The following DLC1 variants were observed in gnomAD, a reference collection of about 807,000 sequenced individuals.
DLC1 encodes rho GTPase-activating protein 7.
DLC1 carries 54 observed loss-of-function variants against 140.3 expected under a neutral mutation model. The ratio of observed to expected loss-of-function variants is 0.38; its 90% CI spans 0.31 to 0.48. The LOEUF is 0.48. Among genes scored for constraint, DLC1 ranks in the 20% least tolerant of loss-of-function variants. DLC1 has a pLI of 0.96. For missense variants in DLC1, 2,536 were observed against 1,907.0 expected, an observed-to-expected ratio of 1.33 and a Z score of -6.14; for synonymous variants, 986 against 728.1, an observed-to-expected ratio of 1.35 and a Z score of -5.70.
chr8:13,162,899 C>G (rs1453362715), intron 5 of DLC1, among the ~76,000 whole-genome samples: 1 of 152,188 alleles, frequency 6.6e-6, no homozygotes, highest in Non-Finnish European at 1.5e-5. Flanking sequence ...ACATTCCAGT[C>G]TGAAGACCCT....
chr8:13,590,816 G>C (rs1229573390), intron 1 of DLC1, among the ~76,000 whole-genome samples: 2 of 152,088 alleles, frequency 1.3e-5, no homozygotes, highest in Non-Finnish European at 1.5e-5. Flanking sequence ...TATTTAGTTT[G>C]TTTTCTATCA....
At chr8:13,313,451 C>T (rs954839953) in intron 4 of DLC1, among the ~76,000 whole-genome samples, 1 of 152,124 alleles carries the variant, frequency 6.6e-6, no homozygotes, top group African/African-American at 2.4e-5. Context: ...TGATTTTTGG[C>T]ACTTTTCTAG....
At chr8:13,141,039 G>A (rs1009861280) in intron 5 of DLC1, among the ~76,000 whole-genome samples, 1 of 145,574 alleles carries the variant, frequency 6.9e-6, no homozygotes, top group Non-Finnish European at 1.5e-5. Context: ...TGGATCACGT[G>A]GGGTCGGGAG....
chr8:13,403,980 C>A (rs1172935706), intron 2 of DLC1, among the ~76,000 whole-genome samples: 18 of 151,940 alleles, frequency 1.2e-4, no homozygotes, highest in Admixed American at 1.1e-3. Context: ...TGAAATCTTA[C>A]AATACTTTCC....
intron 5 of DLC1, among the ~76,000 whole-genome samples, chr8:13,225,058 C>A (rs1423312772): frequency 1.3e-5 from 2 of 152,094 alleles, no homozygotes; most frequent in Non-Finnish European, 2.9e-5. Context: ...CTTGAAGATC[C>A]CAGCCACTTA....
chr8:13,100,621 C>T lies in DLC1; in HGVS notation c.1716G>A (p.Pro572=), dbSNP rs752727723. The part of the protein sequence containing the change: ...LVPGSPDDSH[P]KDGPSPGGTL... ...TGCCTCCGGGGCTGGGGCCGTCCTT[C>T]GGGTGGGAGTCGTCTGGGGACCCAG... Residue 572 remains proline, a synonymous_variant, in exon 9 of 18, where the codon CCG becomes CCA. Coordinates refer to ENST00000276297, the MANE Select transcript of DLC1 (RefSeq NM_182643.3). The T allele has an allele frequency of 1.9e-6, 3 of 1,613,972 alleles. No homozygotes were observed. The highest frequency in any genetic ancestry group is 1.1e-5 in the South Asian group (1 of 91,056).
chr8:13,254,800 A>G (rs1431706316), intron 5 of DLC1, among the ~76,000 whole-genome samples: 1 of 152,164 alleles, frequency 6.6e-6, no homozygotes, highest in Non-Finnish European at 1.5e-5. Context: ...TTGGTGTGTG[A>G]TATGATTAAA....
intron 15 of DLC1, among the ~76,000 whole-genome samples, chr8:13,089,167 G>A (rs1817826656): frequency 6.6e-6 from 1 of 152,188 alleles, no homozygotes; most frequent in Non-Finnish European, 1.5e-5. Context: ...GCTGAGGAAG[G>A]AGAATCACTT....
At chr8:13,417,823 A>C (rs367946384) in intron 2 of DLC1, among the ~76,000 whole-genome samples, 2 of 152,038 alleles carry the variant, frequency 1.3e-5, no homozygotes, top group Non-Finnish European at 2.9e-5. Context: ...TTACAGTCCC[A>C]CCAACAGTGT....
intron 5 of DLC1, among the ~76,000 whole-genome samples, chr8:13,247,886 A>C (rs1275754620): frequency 6.6e-6 from 1 of 152,220 alleles, no homozygotes; most frequent in African/African-American, 2.4e-5. Context: ...TAACCGCTCA[A>C]AGTTAAAAGC....
intron 5 of DLC1, among the ~76,000 whole-genome samples, chr8:13,278,358 G>T (rs1831249191): frequency 1.3e-5 from 2 of 152,192 alleles, no homozygotes; most frequent in South Asian, 4.1e-4. Context: ...GAAGCGTGTT[G>T]AATCATGTCA....
At chr8:13,464,607 G>C (rs1158318132) in intron 2 of DLC1, among the ~76,000 whole-genome samples, 3 of 151,516 alleles carry the variant, frequency 2.0e-5, no homozygotes. Context: ...CATGGAAATG[G>C]AAAATTACCA....
chr8:13,177,600 G>T (rs556184673), intron 5 of DLC1, among the ~76,000 whole-genome samples: 1 of 152,162 alleles, frequency 6.6e-6, no homozygotes, highest in South Asian at 2.1e-4. Flanking sequence ...CCACTCTATC[G>T]AGTGGAATTT....
chr8:13,364,132 G>A (rs1341743829), intron 4 of DLC1, among the ~76,000 whole-genome samples: 1 of 152,116 alleles, frequency 6.6e-6, no homozygotes, highest in East Asian at 1.9e-4. Flanking sequence ...TTCAAGGAAA[G>A]CCAGAGAACA....
At chr8:13,420,296 T>A in intron 2 of DLC1, among the ~76,000 whole-genome samples, 1 of 152,266 alleles carries the variant, frequency 6.6e-6, no homozygotes, top group South Asian at 2.1e-4. Context: ...AAGGATTTTC[T>A]TATGTCCTCA....
In DLC1 at chr8:13,206,958, A is replaced by G. The variant is rs1319996072; in HGVS notation, c.1349-91301T>C. 3.9e-5 allele frequency among the ~76,000 whole-genome samples: 6 copies of G among 152,322 alleles called. No homozygotes were observed. The South Asian group carries it at 1.0e-3, about 26-fold the overall frequency. On this transcript the variant is annotated intron_variant, in intron 5 of 17. Transcript: ENST00000276297. ...CTACTGAGAATACATTTTTTTAAAC[A>G]TTACATAATTTGTTTCTCCAAGATA...
chr8:13,422,634 A>G (rs1390498812), intron 2 of DLC1, among the ~76,000 whole-genome samples: 1 of 152,076 alleles, frequency 6.6e-6, no homozygotes, highest in African/African-American at 2.4e-5. Flanking sequence ...CACTTCTTTC[A>G]TTAGTTCTGG....
At chr8:13,540,158 G>A (rs1390131613) in intron 1 of DLC1, among the ~76,000 whole-genome samples, 1 of 152,152 alleles carries the variant, frequency 6.6e-6, no homozygotes, top group Non-Finnish European at 1.5e-5. Flanking sequence ...TAATGGGATG[G>A]CAAGTATGGG....
chr8:13,137,128 C>T (rs558806811), intron 5 of DLC1, among the ~76,000 whole-genome samples: 9 of 152,106 alleles, frequency 5.9e-5, no homozygotes, highest in Non-Finnish European at 1.2e-4. Context: ...CCTTTACAAG[C>T]GGGGGAAGGA....
Sources: allele counts gnomAD v4.1 joint callset (sites outside exome capture counted in the v4.1 genomes callset), GRCh38; gene constraint gnomAD v4.1.1; transcripts MANE v1.5; gene names NCBI Gene and HGNC (gene_info 2026-07-23, HGNC 2026-07-21).